Variants in DDX11 observed in about 807,000 individuals in gnomAD.
DDX11 encodes the protein DEAD/H-box helicase 11, also known as ATP-dependent DNA helicase DDX11.
A neutral mutation model predicts 125.2 loss-of-function variants in DDX11; 72 were observed. The observed-to-expected ratio is 0.58, with a 90% CI of 0.48 to 0.70. DDX11 has a LOEUF of 0.70. DDX11 is among the 30% of genes least tolerant of loss of function. The pLI, the probability that DDX11 is intolerant of heterozygous loss-of-function variation, is 0.00. For missense variants in DDX11, 883 were observed against 1,165.0 expected (o/e 0.76, Z 3.52); for synonymous variants, 347 against 452.6 (o/e 0.77, Z 2.96).
chr12:31,089,945 G>T lies in DDX11; in HGVS notation c.940G>T (p.Ala314Ser), dbSNP rs1174706868. The part of the protein sequence containing the change: ...PKRRRQEKQA[A>S]CPFYNHEQMG... The stretch of plus-strand genomic sequence containing the variant: ...GAGGAGGAGGCAGGAGAAGCAGGCA[G>T]CCTGCCCCTTCTACAACCACGAGCA... The change falls in exon 9 of 27, where the codon GCC becomes TCC. Residue 314 changes from alanine to serine, a missense_variant. Ala to Ser is a moderately conservative substitution (Grantham distance 99, BLOSUM62 1). Coordinates refer to ENST00000542838, the MANE Select transcript of DDX11 (RefSeq NM_030653.4). The T allele has an allele frequency of 2.5e-6, 4 of 1,602,300 alleles. No individual in the cohort carries two copies. Among genetic ancestry groups the T allele is most frequent in the Admixed American group, 1.7e-5 (1 of 58,568 alleles).
chr12:31,091,943 C>A lies in DDX11; in HGVS notation c.1242+72C>A, dbSNP rs1944317458. 8 of 1,603,658 alleles carry A rather than the reference C, an allele frequency of 5.0e-6. No homozygotes were observed. In the Admixed American group the frequency reaches 1.3e-4, roughly 27 times the overall value. On this transcript the variant is annotated intron_variant, in intron 10 of 26. Transcript: ENST00000542838. ...GGGACTTGGATGGTTCCTCCAGACA[C>A]CTGGGCCAAGAGTTCCTCCGGAGGT...
In DDX11 at chr12:31,094,854, C is replaced by T. The variant is rs765012984; in HGVS notation, c.1482+32C>T. 1.0e-5 allele frequency: 16 copies of T among 1,606,784 alleles called. No homozygotes were observed. In the South Asian group the frequency reaches 1.6e-4, roughly 17 times the overall value. On this transcript the variant is annotated intron_variant, in intron 14 of 26. Coordinates refer to ENST00000542838, the MANE Select transcript of DDX11 (RefSeq NM_030653.4). ...GTTTCCACCTTTCCACATTCCACATCCAATTTCCTTCCTGTCACCACCTGT... is the reference window on the plus strand; with the variant it reads ...GTTTCCACCTTTCCACATTCCACATTCAATTTCCTTCCTGTCACCACCTGT...
chr12:31,080,376 G>A (rs891877736), intron 2 of DDX11, among the ~76,000 whole-genome samples: 12 of 152,110 alleles, frequency 7.9e-5, no homozygotes, highest in Admixed American at 6.5e-4. Flanking sequence ...TCAATCTGCC[G>A]GTTGCCTCCA....
At chr12:31,081,146 C>T (rs1351018627) in intron 2 of DDX11, among the ~76,000 whole-genome samples, 1 of 152,216 alleles carries the variant, frequency 6.6e-6, no homozygotes, top group Non-Finnish European at 1.5e-5. Context: ...CTCTGCTCAG[C>T]CTTTAATTGT....
At chr12:31,096,511 G>A in intron 15 of DDX11, 126 bp from the exon 16 acceptor site, 1 of 1,591,460 alleles carries the variant, frequency 6.3e-7, no homozygotes, top group Non-Finnish European at 8.6e-7. Flanking sequence ...TGGTGCAGTG[G>A]GCCTTGCTGG....
intron 3 of DDX11, 141 bp from the exon 4 acceptor site, chr12:31,084,442 G>T: frequency 1.2e-6 from 1 of 812,720 alleles, no homozygotes. Flanking sequence ...CCCGGGAGGG[G>T]ATGCGGCAGC....
In DDX11 at chr12:31,097,875, GTT is replaced by G; in HGVS notation, c.1763-6_1763-5del. 1 of 1,606,030 alleles carries G rather than the reference GTT, an allele frequency of 6.2e-7. No homozygotes were observed. On this transcript the variant is annotated splice_region_variant and splice_polypyrimidine_tract_variant and intron_variant, in intron 17 of 26. Transcript: ENST00000542838. ...GCTTGCACTCACCTCCCACCGATCT[GTT>G]TTTCCAGGCAGCCTCAGTCAGAGCA...
rs769128850 is a variant in DDX11 at position 31,078,233 on chromosome 12, G to A, written c.-4-157G>A. Reference sequence around the variant, plus strand: ...TTCTGGTATGGCCTCACGTGGACCTGCTGCGAAGGATGGAGAGAACATGGT... The same window carrying A: ...TTCTGGTATGGCCTCACGTGGACCTACTGCGAAGGATGGAGAGAACATGGT... On this transcript the variant is annotated intron_variant, in intron 1 of 26. Transcript: ENST00000542838. 1.3e-5 allele frequency: 20 copies of A among 1,554,760 alleles called. No individual in the cohort carries two copies. In the Admixed American group the frequency reaches 3.6e-4, roughly 28 times the overall value.
At chr12:31,083,015 A>G (rs998607576) in intron 2 of DDX11, among the ~76,000 whole-genome samples, 1 of 152,096 alleles carries the variant, frequency 6.6e-6, no homozygotes, top group Non-Finnish European at 1.5e-5. Flanking sequence ...AACTAATTAC[A>G]TTTGCGACAG....
In DDX11 at chr12:31,092,862, C is replaced by T. The variant is rs1249600480; in HGVS notation, c.1259C>T (p.Ser420Phe). ...TTTCCCCAGCTCTGCCAGGCCCATT[C>T]CCAGCTGCTGCAGTACGTGGAGCGA... ...VSGSQLCQAH[S>F]QLLQYVERYG... Residue 420 changes from serine to phenylalanine, a missense_variant, in exon 11 of 27, where the codon TCC becomes TTC. By Grantham distance (155) the Ser-to-Phe change is radical. Around this residue, in one of 5 missense-constraint regions of DDX11, gnomAD observed 241 missense variants for 279.7 expected, o/e 0.86. Coordinates refer to ENST00000542838, the MANE Select transcript of DDX11 (RefSeq NM_030653.4). 5 of 1,613,894 alleles carry T rather than the reference C, an allele frequency of 3.1e-6. No individual in the cohort carries two copies. The African/African-American group carries it at 6.7e-5, about 22-fold the overall frequency.
chr12:31,100,942 T>C, intron 19 of DDX11, 85 bp from the exon 20 acceptor site: 1 of 1,308,882 alleles, frequency 7.6e-7, no homozygotes, highest in Non-Finnish European at 1.1e-6. Flanking sequence ...CTGTGCTGGA[T>C]GATGGGGCAG....
At chr12:31,085,245 C>T in intron 5 of DDX11, 119 bp downstream of exon 5, 1 of 1,358,710 alleles carries the variant, frequency 7.4e-7, no homozygotes, top group South Asian at 1.3e-5. Flanking sequence ...TGGCCTCTGC[C>T]CTCTGCTCTA....
Position 31,102,228 on chromosome 12 carries a change from C to T in DDX11, c.2203-15C>T, listed in dbSNP as rs747554119. The stretch of plus-strand genomic sequence containing the variant: ...CCTGAACCTGTCTCTGGGAAATGTC[C>T]TCTGTCTTTCTCAGATATTCCAGGA... On this transcript the variant is annotated splice_polypyrimidine_tract_variant and intron_variant, in intron 21 of 26. Transcript: ENST00000542838. 1.2e-6 allele frequency: 2 copies of T among 1,612,550 alleles called. No individual in the cohort carries two copies. The highest frequency in any genetic ancestry group is 1.7e-6 in the Non-Finnish European group (2 of 1,178,574).
rs11545334 is a variant in DDX11 at position 31,096,864 on chromosome 12, G to A, written c.1636G>A (p.Ala546Thr). 1.2e-6 allele frequency: 2 copies of A among 1,614,212 alleles called. No individual in the cohort carries two copies. Among genetic ancestry groups the A allele is most frequent in the South Asian group, 2.2e-5 (2 of 91,084 alleles). ...SLQPRTTEAL[A>T]APADESQAST... The stretch of plus-strand genomic sequence containing the variant: ...CCCCGTTCTGCTCTGTGCAGCTCTT[G>A]CAGCCCCTGCAGACGAGAGTCAGGC... The change falls in exon 17 of 27, where the codon GCA (alanine) becomes ACA (threonine). Residue 546 changes from alanine (A) to threonine (T), a missense_variant. Physicochemically the swap from Ala to Thr is moderately conservative, Grantham distance 58 (BLOSUM62 0). Around this residue, in one of 5 missense-constraint regions of DDX11, gnomAD observed 241 missense variants for 279.7 expected, o/e 0.86. Transcript: ENST00000542838.
intron 18 of DDX11, among the ~76,000 whole-genome samples, chr12:31,099,354 C>G (rs1055031471): frequency 6.6e-6 from 1 of 152,004 alleles, no homozygotes; most frequent in African/African-American, 2.4e-5. Flanking sequence ...GCTGGGATTA[C>G]AGGCATGAGC....
At chr12:31,079,882 A>G (rs1159670232) in intron 2 of DDX11, among the ~76,000 whole-genome samples, 1 of 151,726 alleles carries the variant, frequency 6.6e-6, no homozygotes. Context: ...GCAGTGACCA[A>G]TTCCATTTTT....
Position 31,094,821 on chromosome 12 carries a change from A to G in DDX11, c.1481A>G (p.Lys494Arg). Reference protein sequence around the residue: ...QSQIDNINLFKVQRYCEKSMI... With the variant: ...QSQIDNINLFRVQRYCEKSMI... Reference sequence around the variant, plus strand: ...CAGATCGACAACATCAACCTGTTCAAGGTAGAGGTTTCCACCTTTCCACAT... The same window carrying G: ...CAGATCGACAACATCAACCTGTTCAGGGTAGAGGTTTCCACCTTTCCACAT... Residue 494 changes from lysine to arginine, a missense_variant and splice_region_variant, in exon 14 of 27, where the codon AAG becomes AGG. By Grantham distance (26) the Lys-to-Arg change is conservative. Around this residue, in one of 5 missense-constraint regions of DDX11, gnomAD observed 241 missense variants for 279.7 expected, o/e 0.86. Transcript: ENST00000542838. 1.2e-6 allele frequency: 2 copies of G among 1,612,474 alleles called. No individual in the cohort carries two copies. The highest frequency in any genetic ancestry group is 1.7e-6 in the Non-Finnish European group (2 of 1,178,486).
chr12:31,078,690 T>G (rs1941207863), intron 2 of DDX11, among the ~76,000 whole-genome samples, 153 bp downstream of exon 2: 1 of 107,490 alleles, frequency 9.3e-6, no homozygotes, highest in African/African-American at 3.0e-5. Flanking sequence ...TATTAAAGTC[T>G]TTTTTTTTTT....
rs1372158062 is a variant in DDX11, at chr12:31,101,043, A to G, written c.1965A>G (p.Pro655=). Residue 655 remains proline (P), a synonymous_variant, in exon 20 of 27, where the codon CCA becomes CCG. Transcript: ENST00000542838. The part of the protein sequence containing the change: ...VEFSCGHVIP[P]DNILPLVICS... ...TCTTACCAGGTCACGTGATCCCTCCAGACAACATCCTGCCCCTCGTCATCT... is the reference window on the plus strand; with the variant it reads ...TCTTACCAGGTCACGTGATCCCTCCGGACAACATCCTGCCCCTCGTCATCT... The G allele has an allele frequency of 6.2e-7, 1 of 1,614,108 alleles. No homozygotes were observed. The highest frequency in any genetic ancestry group is 8.5e-7 in the Non-Finnish European group (1 of 1,179,964).
Sources: gnomAD v4.1 joint callset for allele counts (sites outside exome capture counted in the v4.1 genomes callset) on GRCh38, gnomAD v4.1.1 for gene constraint, gnomAD v4.1.1 regional missense constraint, MANE v1.5 for transcripts, NCBI Gene and HGNC (gene_info 2026-07-23, HGNC 2026-07-21) for gene names.